Variants in PRKCE observed in about 807,000 individuals in gnomAD.
PRKCE encodes the protein protein kinase C epsilon type.
Under a neutral mutation model 85.4 loss-of-function variants are expected in PRKCE, and 16 were observed. The observed-to-expected ratio is 0.19, with a 90% CI of 0.13 to 0.28. The LOEUF is 0.28. Among genes scored for constraint, PRKCE ranks in the 10% least tolerant of loss-of-function variants. PRKCE has a pLI of 1.00. For synonymous variants in PRKCE, 388 were observed against 371.5 expected, an observed-to-expected ratio of 1.04 and a Z score of -0.51; for missense variants, 573 against 975.2, an observed-to-expected ratio of 0.59 and a Z score of 5.49.
chr2:46,078,363 C>T (rs962144969), intron 10 of PRKCE: 1 of 136,774 alleles, frequency 7.3e-6, no homozygotes, highest in Non-Finnish European at 1.5e-5. Flanking sequence ...TAGCAAGACT[C>T]TTGTCTCTAA....
intron 11 of PRKCE, among the ~76,000 whole-genome samples, chr2:46,119,417 T>TG (rs1475060320): frequency 6.6e-6 from 1 of 151,922 alleles, no homozygotes; most frequent in Non-Finnish European, 1.5e-5. Flanking sequence ...ATAAAGTGGG[T>TG]GGGGGGAGAC....
chr2:45,869,949 G>T (rs1413468867), intron 2 of PRKCE, among the ~76,000 whole-genome samples: 2 of 152,144 alleles, frequency 1.3e-5, no homozygotes, highest in South Asian at 4.1e-4. Context: ...CTCCTGGTCT[G>T]TCCACCTCGG....
intron 2 of PRKCE, among the ~76,000 whole-genome samples, chr2:45,973,892 T>A (rs949013428): frequency 6.6e-5 from 10 of 152,204 alleles, no homozygotes; most frequent in African/African-American, 2.4e-4. Context: ...TTTCCCAGGA[T>A]GAAAACAACT....
At chr2:45,812,190 G>A (rs74562832) in intron 1 of PRKCE, among the ~76,000 whole-genome samples, 3,485 of 152,290 alleles carry the variant, frequency 0.023, 130 homozygotes, top group African/African-American at 0.079. Context: ...TACCTAACAG[G>A]ATCATTTTCA....
intron 2 of PRKCE, among the ~76,000 whole-genome samples, chr2:45,894,680 C>T (rs1261168543): frequency 1.3e-5 from 2 of 152,072 alleles, no homozygotes; most frequent in Non-Finnish European, 2.9e-5. Context: ...TTCCCTTCCA[C>T]TTCCTCTAAA....
intron 2 of PRKCE, among the ~76,000 whole-genome samples, chr2:45,849,118 T>G (rs1692036094): frequency 6.6e-6 from 1 of 152,196 alleles, no homozygotes; most frequent in African/African-American, 2.4e-5. Flanking sequence ...GAAATTTTCA[T>G]GCTATGCAAG....
intron 1 of PRKCE, among the ~76,000 whole-genome samples, chr2:45,792,303 G>C (rs548402600): frequency 6.6e-6 from 1 of 152,178 alleles, no homozygotes; most frequent in Non-Finnish European, 1.5e-5. Context: ...ATTCATGAGA[G>C]ATCCATCCCC....
At chr2:45,696,120 G>A (rs1678132187) in intron 1 of PRKCE, among the ~76,000 whole-genome samples, 1 of 119,234 alleles carries the variant, frequency 8.4e-6, no homozygotes, top group Non-Finnish European at 1.6e-5. Flanking sequence ...CCCAGAGTGT[G>A]AGAAATTTTT....
At chr2:45,708,300 A>G (rs959261631) in intron 1 of PRKCE, among the ~76,000 whole-genome samples, 7 of 152,190 alleles carry the variant, frequency 4.6e-5, no homozygotes, top group African/African-American at 1.7e-4. Context: ...GTGGGAAAAC[A>G]GCTAGACTAC....
At chr2:45,900,576 G>C (rs917825240) in intron 2 of PRKCE, among the ~76,000 whole-genome samples, 4 of 152,216 alleles carry the variant, frequency 2.6e-5, no homozygotes, top group Non-Finnish European at 5.9e-5. Context: ...AGTTCATAGA[G>C]GTAGAAAGTA....
At chr2:45,916,419 T>A (rs1010834279) in intron 2 of PRKCE, among the ~76,000 whole-genome samples, 14 of 151,840 alleles carry the variant, frequency 9.2e-5, no homozygotes, top group South Asian at 4.2e-4. Flanking sequence ...AAAAAAAAAA[T>A]TTCATGTGTG....
chr2:45,894,441 G>A (rs561478082), intron 2 of PRKCE, among the ~76,000 whole-genome samples: 3 of 151,200 alleles, frequency 2.0e-5, no homozygotes, highest in African/African-American at 7.3e-5. Flanking sequence ...TAGATGGAAT[G>A]CTCTGGGGAG....
chr2:45,757,186 T>C (rs1684076608), intron 1 of PRKCE, among the ~76,000 whole-genome samples: 1 of 151,560 alleles, frequency 6.6e-6, no homozygotes, highest in Non-Finnish European at 1.5e-5. Context: ...TGCATGCCTG[T>C]AATCCCAGCG....
chr2:45,802,094 A>C (rs568926481), intron 1 of PRKCE, among the ~76,000 whole-genome samples: 17 of 151,806 alleles, frequency 1.1e-4, no homozygotes, highest in African/African-American at 2.4e-4. Flanking sequence ...AAAAAAAAAA[A>C]AAAAAAAAAC....
intron 5 of PRKCE, among the ~76,000 whole-genome samples, chr2:45,982,705 G>C (rs1009015168): frequency 8.5e-5 from 13 of 152,064 alleles, no homozygotes; most frequent in African/African-American, 2.9e-4. Flanking sequence ...TTGGTCTCTT[G>C]GTCAGTCTGA....
chr2:45,707,365 G>T (rs2104318820), intron 1 of PRKCE, among the ~76,000 whole-genome samples: 1 of 152,360 alleles, frequency 6.6e-6, no homozygotes, highest in East Asian at 1.9e-4. Context: ...GGCAGGAAGG[G>T]TGAGTGGATA....
In PRKCE at chr2:45,740,113, T is replaced by G. The variant is rs1016737408; in HGVS notation, c.348+87665T>G. Among the ~76,000 whole-genome samples the G allele has an allele frequency of 1.3e-4, 19 of 149,424 alleles. 1 individual carries two copies. The South Asian group carries it at 4.0e-3, about 31-fold the overall frequency. ...TGGGGGATCACTTGAGCCCAGGAGTTTAAGACCAGCCTGGGCAACATGAGA... is the reference window on the plus strand; with the variant it reads ...TGGGGGATCACTTGAGCCCAGGAGTGTAAGACCAGCCTGGGCAACATGAGA... On this transcript the variant is annotated intron_variant, in intron 1 of 14. Coordinates refer to ENST00000306156, the MANE Select transcript of PRKCE (RefSeq NM_005400.3).
intron 1 of PRKCE, among the ~76,000 whole-genome samples, chr2:45,757,722 CAGTT>C (rs1684126571): frequency 6.6e-6 from 1 of 152,026 alleles, no homozygotes; most frequent in African/African-American, 2.4e-5. Flanking sequence ...CAATGCAAGT[CAGTT>C]AAACAAGCCA....
chr2:46,026,342 A>G (rs1484260438), intron 10 of PRKCE, among the ~76,000 whole-genome samples: 1 of 152,238 alleles, frequency 6.6e-6, no homozygotes, highest in Non-Finnish European at 1.5e-5. Flanking sequence ...TTTAGACTTC[A>G]TGGGTAGAGG....
Sources: gnomAD v4.1 joint callset for allele counts (sites outside exome capture counted in the v4.1 genomes callset) on GRCh38, gnomAD v4.1.1 for gene constraint, MANE v1.5 for transcripts, NCBI Gene and HGNC (gene_info 2026-07-23, HGNC 2026-07-21) for gene names.